RASGEF1B: variants seen among roughly 807,000 people sequenced by gnomAD.
RASGEF1B encodes the protein ras-GEF domain-containing family member 1B.
RASGEF1B carries 30 observed loss-of-function variants against 65.7 expected under a neutral mutation model. The ratio of observed to expected loss-of-function variants is 0.46; its 90% confidence interval spans 0.34 to 0.62. The LOEUF is 0.62. Ranked by LOEUF, RASGEF1B falls within the 20% of genes least tolerant of loss-of-function variation. RASGEF1B has a pLI of 0.01. For missense variants in RASGEF1B, 495 were observed against 580.1 expected (o/e 0.85, Z 1.51); for synonymous variants, 175 against 194.8 (o/e 0.90, Z 0.85).
intron 4 of RASGEF1B, 24 bp downstream of exon 4, chr4:81,456,627 C>T (rs946643210): frequency 1.2e-6 from 2 of 1,613,086 alleles, no homozygotes; most frequent in Admixed American, 1.7e-5. Flanking sequence ...ATTCCAGCAG[C>T]CGCGCTAAAT....
intron 13 of RASGEF1B, among the ~76,000 whole-genome samples, chr4:81,429,584 C>G (rs1351894466): frequency 6.6e-6 from 1 of 152,186 alleles, no homozygotes; most frequent in South Asian, 2.1e-4. Context: ...ACCACGCCCC[C>G]ATCTTGGGCC....
At chr4:81,442,858 C>T (rs1311017563) in intron 8 of RASGEF1B, among the ~76,000 whole-genome samples, 2 of 152,172 alleles carry the variant, frequency 1.3e-5, no homozygotes, top group African/African-American at 2.4e-5. Flanking sequence ...AAAAACCATT[C>T]TTAGCTCACT....
intron 1 of RASGEF1B, among the ~76,000 whole-genome samples, chr4:81,470,092 C>T (rs145699153): frequency 6.6e-6 from 1 of 152,134 alleles, no homozygotes; most frequent in East Asian, 1.9e-4. Context: ...TCAAAAGTGC[C>T]CTAAGGTCCT....
chr4:81,450,148 G>A (rs867041035), intron 4 of RASGEF1B, among the ~76,000 whole-genome samples: 1 of 152,138 alleles, frequency 6.6e-6, no homozygotes, highest in Non-Finnish European at 1.5e-5. Flanking sequence ...AGCTGTTCAA[G>A]GATGAGTTGA....
chr4:81,463,268 G>A (rs1429233333), intron 1 of RASGEF1B, among the ~76,000 whole-genome samples: 2 of 152,102 alleles, frequency 1.3e-5, no homozygotes, highest in African/African-American at 4.8e-5. Flanking sequence ...TGCCATCAAA[G>A]CATGGTCTCA....
intron 8 of RASGEF1B, among the ~76,000 whole-genome samples, chr4:81,442,674 T>C (rs1386576103): frequency 6.6e-6 from 1 of 152,248 alleles, no homozygotes; most frequent in South Asian, 2.1e-4. Context: ...ACACTATCAC[T>C]GTCATGCAAA....
intron 2 of RASGEF1B, among the ~76,000 whole-genome samples, chr4:81,458,248 C>G (rs561355457): frequency 6.6e-6 from 1 of 152,150 alleles, no homozygotes; most frequent in Non-Finnish European, 1.5e-5. Context: ...TCCTAAGAAG[C>G]CAATAATGAA....
intron 3 of RASGEF1B, 88 bp downstream of exon 3, chr4:81,457,411 A>G: frequency 7.5e-7 from 1 of 1,336,804 alleles, no homozygotes; most frequent in Non-Finnish European, 1.1e-6. Context: ...GCCTGGGGAT[A>G]AGCCAGGGTT....
At chr4:81,467,176 A>G (rs1267984415) in intron 1 of RASGEF1B, among the ~76,000 whole-genome samples, 2 of 152,222 alleles carry the variant, frequency 1.3e-5, no homozygotes, top group African/African-American at 2.4e-5. Context: ...GCAATGAAAC[A>G]GTGATATTAT....
chr4:81,442,450 CT>C, intron 8 of RASGEF1B, 74 bp from the exon 9 acceptor site: 2 of 823,084 alleles, frequency 2.4e-6, no homozygotes, highest in South Asian at 1.4e-5. Context: ...TAAACACATA[CT>C]TCTAAAATAC....
rs565007662 is a variant in RASGEF1B, at chr4:81,435,129, G to A, written c.1105-395C>T. ...AAATGTTAATAGAATACCTATCATT[G>A]GGCCGGGCACGGTGGCTCACGCCTG... On this transcript the variant is annotated intron_variant, in intron 10 of 13. Transcript: ENST00000264400. Among the ~76,000 whole-genome samples the A allele has an allele frequency of 7.9e-4, 120 of 152,054 alleles. 2 individuals carry two copies. The highest frequency in any genetic ancestry group is 1.6e-3 in the Non-Finnish European group (111 of 67,986).
At chr4:81,471,553 A>T (rs1194574904) in intron 1 of RASGEF1B, among the ~76,000 whole-genome samples, 2 of 152,054 alleles carry the variant, frequency 1.3e-5, no homozygotes, top group African/African-American at 4.8e-5. Flanking sequence ...CCCGGGCTGT[A>T]ACTCGGCTCT....
chr4:81,447,987 T>A (rs749863271), intron 5 of RASGEF1B, 82 bp downstream of exon 5: 148 of 1,150,154 alleles, frequency 1.3e-4, no homozygotes, highest in Admixed American at 2.8e-4. Flanking sequence ...TCCTGTGACA[T>A]TACCGCTGAC....
chr4:81,432,037 A>G (rs548306324), intron 13 of RASGEF1B, among the ~76,000 whole-genome samples: 21 of 152,200 alleles, frequency 1.4e-4, no homozygotes, highest in Non-Finnish European at 2.9e-4. Flanking sequence ...TTAACATACT[A>G]TGGCTCAGTT....
chr4:81,434,647 T>G lies in RASGEF1B; in HGVS notation c.1192A>C (p.Asn398His), dbSNP rs1395789238. The part of the protein sequence containing the change: ...CANRLPNGHV[N>H]FEKFWELAKQ... ...TACTTTATCACACTCACCTCAAAAT[T>G]GACATGGCCATTGGGAAGGCGGTTG... is the stretch of plus-strand genomic sequence containing the variant. Residue 398 changes from asparagine (N) to histidine (H), a missense_variant, in exon 11 of 14, where the codon AAT becomes CAT. Physicochemically the swap from Asn to His is moderately conservative, Grantham distance 68. Coordinates refer to ENST00000264400, the MANE Select transcript of RASGEF1B (RefSeq NM_152545.3). 1 of 1,587,014 alleles carries G rather than the reference T, an allele frequency of 6.3e-7. No individual in the cohort carries two copies.
intron 1 of RASGEF1B, chr4:81,471,045 G>C (rs1723002957): frequency 1.3e-5 from 2 of 152,166 alleles, no homozygotes; most frequent in Admixed American, 6.5e-5. Context: ...AGATTCCCCA[G>C]GCAGGTGACC....
intron 11 of RASGEF1B, 35 bp from the exon 12 acceptor site, chr4:81,433,998 T>C (rs1274366210): frequency 4.4e-6 from 7 of 1,576,438 alleles, no homozygotes; most frequent in Non-Finnish European, 6.1e-6. Flanking sequence ...ATAAAGGTGA[T>C]CATAAAAAAA....
chr4:81,456,918 C>T (rs1256921887), intron 3 of RASGEF1B, 130 bp from the exon 4 acceptor site: 1 of 765,474 alleles, frequency 1.3e-6, no homozygotes, highest in East Asian at 2.6e-5. Flanking sequence ...AAGCTCCAGC[C>T]CCCCTCCCTC....
intron 1 of RASGEF1B, among the ~76,000 whole-genome samples, chr4:81,471,527 G>C (rs1300751933): frequency 6.6e-6 from 1 of 152,140 alleles, no homozygotes; most frequent in Non-Finnish European, 1.5e-5. Context: ...CGGCCGGGCA[G>C]GGGCCCTCCC....
Sources: allele counts gnomAD v4.1 joint callset (sites outside exome capture counted in the v4.1 genomes callset), GRCh38; gene constraint gnomAD v4.1.1; transcripts MANE v1.5; gene names NCBI Gene and HGNC (gene_info 2026-07-23, HGNC 2026-07-21).